Variants in SLC24A2 observed in about 807,000 individuals in gnomAD.
SLC24A2 encodes sodium/potassium/calcium exchanger 2.
A neutral mutation model predicts 62.0 loss-of-function variants in SLC24A2; 36 were observed. The observed-to-expected ratio is 0.58, with a 90% confidence interval of 0.44 to 0.77. SLC24A2 has a LOEUF of 0.77. Among genes scored for constraint, SLC24A2 ranks in the 30% least tolerant of loss-of-function variants. The pLI is 0.00. For missense variants in SLC24A2, 846 were observed against 817.9 expected, an observed-to-expected ratio of 1.03 and a Z score of -0.42; for synonymous variants, 358 against 294.0, an observed-to-expected ratio of 1.22 and a Z score of -2.23.
intron 2 of SLC24A2, among the ~76,000 whole-genome samples, chr9:19,744,199 G>C (rs569389138): frequency 3.9e-5 from 6 of 152,134 alleles, no homozygotes; most frequent in African/African-American, 1.4e-4. Flanking sequence ...ATATTACTGA[G>C]AGGATAAAGA....
the SLC24A2 span, among the ~76,000 whole-genome samples, chr9:20,303,788 T>C: frequency 2.6e-5 from 4 of 152,222 alleles, no homozygotes; most frequent in African/African-American, 9.6e-5. Flanking sequence ...AATGCTTTTC[T>C]TAAGTAGGGA....
the SLC24A2 span, among the ~76,000 whole-genome samples, chr9:20,237,249 T>G: frequency 6.6e-6 from 1 of 152,220 alleles, no homozygotes; most frequent in African/African-American, 2.4e-5. Flanking sequence ...ATAATAAGCA[T>G]CATCCTTGAT....
At chr9:19,873,438 CCTTT>C in the SLC24A2 span, among the ~76,000 whole-genome samples, 419 of 140,998 alleles carry the variant, frequency 3.0e-3, 2 homozygotes, top group African/African-American at 0.011. Context: ...CTCTCTCCTT[CCTTT>C]CTTTCTCTTT....
chr9:19,759,471 A>C (rs1822246495), intron 2 of SLC24A2, among the ~76,000 whole-genome samples: 1 of 152,244 alleles, frequency 6.6e-6, no homozygotes, highest in South Asian at 2.1e-4. Flanking sequence ...ATTATCCCAT[A>C]AAAGCAGAAC....
At chr9:20,194,247 G>C in the SLC24A2 span, among the ~76,000 whole-genome samples, 14 of 152,194 alleles carry the variant, frequency 9.2e-5, no homozygotes, top group African/African-American at 3.1e-4. Context: ...TTACCTATAA[G>C]TCTTAGACTT....
the SLC24A2 span, among the ~76,000 whole-genome samples, chr9:20,051,080 G>C: frequency 6.6e-6 from 1 of 151,990 alleles, no homozygotes; most frequent in South Asian, 2.1e-4. Flanking sequence ...CCAGCTAAAA[G>C]ACAAAGATTG....
At chr9:19,935,610 G>A in the SLC24A2 span, among the ~76,000 whole-genome samples, 7 of 152,212 alleles carry the variant, frequency 4.6e-5, no homozygotes, top group Middle Eastern at 3.2e-3. Context: ...TCCTCAGGAC[G>A]AGGCTTCTTG....
the SLC24A2 span, among the ~76,000 whole-genome samples, chr9:19,912,701 C>T: frequency 3.3e-5 from 5 of 152,124 alleles, no homozygotes; most frequent in Admixed American, 6.5e-5. Context: ...AACACTGGAA[C>T]CTCCCAGCTC....
chr9:19,638,568 T>C (rs1012380447), intron 2 of SLC24A2, among the ~76,000 whole-genome samples: 1 of 152,162 alleles, frequency 6.6e-6, no homozygotes, highest in Non-Finnish European at 1.5e-5. Context: ...TTATTTCTAA[T>C]ATTAAATATT....
chr9:20,109,288 G>T, the SLC24A2 span, among the ~76,000 whole-genome samples: 2 of 152,126 alleles, frequency 1.3e-5, no homozygotes, highest in African/African-American at 4.8e-5. Context: ...AGATTATGCA[G>T]AAAAAAATTA....
At chr9:19,543,240 T>C (rs1449902593) in intron 8 of SLC24A2, among the ~76,000 whole-genome samples, 2 of 152,200 alleles carry the variant, frequency 1.3e-5, no homozygotes. Context: ...TATTCTCTGA[T>C]GGTAGTTTGT....
At chr9:20,078,757 T>C in the SLC24A2 span, among the ~76,000 whole-genome samples, 1 of 152,124 alleles carries the variant, frequency 6.6e-6, no homozygotes, top group Non-Finnish European at 1.5e-5. Context: ...TAAAGAATCT[T>C]TCCTCCAAAA....
At chr9:20,071,767 C>G in the SLC24A2 span, among the ~76,000 whole-genome samples, 1 of 152,032 alleles carries the variant, frequency 6.6e-6, no homozygotes, top group Non-Finnish European at 1.5e-5. Context: ...ACTGTGGACA[C>G]GCAGCTGGTG....
chr9:20,048,876 AT>A, the SLC24A2 span, among the ~76,000 whole-genome samples: 42 of 151,246 alleles, frequency 2.8e-4, no homozygotes, highest in African/African-American at 7.5e-4. Context: ...AACTATTAGT[AT>A]TTTTTTTCTT....
the SLC24A2 span, among the ~76,000 whole-genome samples, chr9:20,228,741 T>G: frequency 6.6e-6 from 1 of 152,162 alleles, no homozygotes; most frequent in Non-Finnish European, 1.5e-5. Context: ...GTATCCAGCC[T>G]GTGCCTTCCT....
intron 2 of SLC24A2, among the ~76,000 whole-genome samples, chr9:19,694,864 C>T (rs1407685527): frequency 1.3e-5 from 2 of 152,128 alleles, no homozygotes; most frequent in East Asian, 3.9e-4. Flanking sequence ...GCATGGCATA[C>T]AGAGTGAAAA....
the SLC24A2 span, among the ~76,000 whole-genome samples, chr9:19,947,363 AGG>A: frequency 5.3e-5 from 8 of 151,316 alleles, no homozygotes; most frequent in African/African-American, 2.0e-4. Context: ...GAAGGAAGGA[AGG>A]AAAGAAGGAA....
At chr9:19,979,840 G>A in the SLC24A2 span, among the ~76,000 whole-genome samples, 1 of 152,168 alleles carries the variant, frequency 6.6e-6, no homozygotes, top group Non-Finnish European at 1.5e-5. Flanking sequence ...CACTCACAAC[G>A]CAACTTTAAC....
At chr9:19,706,142 G>T (rs959490643) in intron 2 of SLC24A2, among the ~76,000 whole-genome samples, 2 of 149,126 alleles carry the variant, frequency 1.3e-5, no homozygotes, top group African/African-American at 4.9e-5. Flanking sequence ...ATATATTTAG[G>T]ATAGTTAGCT....
Sources: gnomAD v4.1 joint callset for allele counts (sites outside exome capture counted in the v4.1 genomes callset) on GRCh38, gnomAD v4.1.1 for gene constraint, MANE v1.5 for transcripts, NCBI Gene and HGNC (gene_info 2026-07-23, HGNC 2026-07-21) for gene names.